The following TMEM181 variants were observed in gnomAD, a reference collection of about 807,000 sequenced individuals.
TMEM181 encodes the protein G protein-coupled receptor 178.
TMEM181 carries 39 observed loss-of-function variants against 71.9 expected under a neutral mutation model. That is an observed-to-expected ratio of 0.54 (90% CI 0.42 to 0.71). TMEM181 has a LOEUF of 0.71. Ranked by LOEUF, TMEM181 falls within the 30% of genes least tolerant of loss-of-function variation. TMEM181 has a pLI of 0.00. For synonymous variants in TMEM181, 245 were observed against 228.8 expected (o/e 1.07, Z -0.64); for missense variants, 595 against 583.0 (o/e 1.02, Z -0.21).
At chr6:158,565,027 A>G (rs1358775125) in intron 1 of TMEM181, among the ~76,000 whole-genome samples, 2 of 152,142 alleles carry the variant, frequency 1.3e-5, no homozygotes, top group Admixed American at 6.5e-5. Flanking sequence ...ACCGAGATGA[A>G]GGTGTCTCTC....
chr6:158,538,454 CTT>C (rs111437459), intron 1 of TMEM181, among the ~76,000 whole-genome samples: 2 of 143,938 alleles, frequency 1.4e-5, no homozygotes. Context: ...CATGCCTGGC[CTT>C]TTTTTTTTTT....
At chr6:158,580,836 G>T in intron 2 of TMEM181, 104 bp from the exon 3 acceptor site, 1 of 997,828 alleles carries the variant, frequency 1.0e-6, no homozygotes, top group East Asian at 2.5e-5. Context: ...GGTGAATTAA[G>T]GTCATCTCCG....
upstream of TMEM181, among the ~76,000 whole-genome samples, chr6:158,557,977 T>C (rs1047630224): frequency 1.3e-5 from 2 of 152,042 alleles, no homozygotes; most frequent in Non-Finnish European, 2.9e-5. Context: ...AGAAAACGAG[T>C]ATGACGGGAG....
At chr6:158,573,588 G>T in intron 2 of TMEM181, 65 bp downstream of exon 2, 1 of 1,374,310 alleles carries the variant, frequency 7.3e-7, no homozygotes, top group Non-Finnish European at 1.0e-6. Context: ...TATTGCTTTC[G>T]GTCAGCCCAG....
rs1786442969 is a variant in TMEM181, at chr6:158,628,222, CAG to C, written c.1110-185_1110-184del. ...TAGATCCGAGACCAAAAACCAGAAG[CAG>C]GGGCTGTGTGTGTGTGTGCATGTGT... On this transcript the variant is annotated intron_variant, in intron 13 of 16. Transcript: ENST00000684151. 21 of 710,960 alleles carry C rather than the reference CAG, an allele frequency of 3.0e-5. No individual in the cohort carries two copies. In the Admixed American group the frequency reaches 3.8e-4, roughly 13 times the overall value. 44.0% of individuals were successfully genotyped at this position (710,960 alleles called of 1,614,324 possible).
At chr6:158,631,775 A>AAT (rs747331895) in intron 16 of TMEM181, 35 bp from the exon 17 acceptor site, 1 of 1,567,646 alleles carries the variant, frequency 6.4e-7, no homozygotes, top group Non-Finnish European at 8.7e-7. Context: ...GAGCTGTCAG[A>AAT]AGTTAGACGG....
intron 6 of TMEM181, among the ~76,000 whole-genome samples, chr6:158,592,606 G>A (rs1197089384): frequency 6.6e-6 from 1 of 152,036 alleles, no homozygotes. Flanking sequence ...CCTAGTAGCT[G>A]GGATTACAGC....
chr6:158,597,425 C>T (rs980319604), intron 6 of TMEM181, among the ~76,000 whole-genome samples: 5 of 152,086 alleles, frequency 3.3e-5, no homozygotes, highest in African/African-American at 9.7e-5. Context: ...CAGGATGGTA[C>T]CTTGTTGCTG....
chr6:158,538,855 AG>A (rs1377169437), intron 1 of TMEM181, among the ~76,000 whole-genome samples: 8 of 152,190 alleles, frequency 5.3e-5, no homozygotes, highest in African/African-American at 1.9e-4. Flanking sequence ...CAGAAGAGGA[AG>A]GAGTATTGCA....
rs572703809 is a variant in TMEM181 at position 158,620,652 on chromosome 6, C to A, written c.897-2898C>A. ...CCCGCCCGAGCCTCGCAGTCCCCTT[C>A]AGATTAGTTGTCCTCGCACAAATTG... On this transcript the variant is annotated intron_variant, in intron 10 of 16. Transcript: ENST00000684151. The surrounding 1 kb of genome is among the most constrained non-coding windows in gnomAD (Gnocchi z 4.5). Among the ~76,000 whole-genome samples, 141 of 151,982 alleles carry A rather than the reference C, an allele frequency of 9.3e-4. No homozygotes were observed. Among genetic ancestry groups the A allele is most frequent in the Non-Finnish European group, 1.0e-3 (68 of 67,964 alleles).
chr6:158,588,721 T>G (rs1783928572), intron 5 of TMEM181, among the ~76,000 whole-genome samples: 1 of 152,232 alleles, frequency 6.6e-6, no homozygotes, highest in Non-Finnish European at 1.5e-5. Flanking sequence ...GTGCTGGGAT[T>G]ACAGGCGTGA....
In TMEM181 at chr6:158,541,286, G is replaced by A. The variant is rs189044402; in HGVS notation, c.131+4421G>A. ...ACAAAAATTAGCAGGGCGTGATGGCGGGCGCCTGTAATCCCAGTTACTCAG... is the reference window on the plus strand; with the variant it reads ...ACAAAAATTAGCAGGGCGTGATGGCAGGCGCCTGTAATCCCAGTTACTCAG... On this transcript the variant is annotated intron_variant, in intron 1 of 16. Coordinates refer to the TMEM181 transcript ENST00000367090. 5.1e-4 allele frequency among the ~76,000 whole-genome samples: 78 copies of A among 152,178 alleles called. No homozygotes were observed. In the East Asian group the frequency reaches 0.01, roughly 20 times the overall value.
intron 10 of TMEM181, among the ~76,000 whole-genome samples, chr6:158,618,402 G>C (rs984507784): frequency 6.6e-6 from 1 of 152,080 alleles, no homozygotes; most frequent in African/African-American, 2.4e-5. Context: ...ACGTGAGATG[G>C]GTCTCCTGAA....
intron 10 of TMEM181, among the ~76,000 whole-genome samples, chr6:158,612,481 G>A (rs1785388903): frequency 6.6e-6 from 1 of 152,182 alleles, no homozygotes; most frequent in Non-Finnish European, 1.5e-5. Flanking sequence ...AAGAATCTTT[G>A]AAAAAGGTTA....
intron 1 of TMEM181, among the ~76,000 whole-genome samples, chr6:158,567,337 T>C (rs1782568358): frequency 6.6e-6 from 1 of 152,236 alleles, no homozygotes; most frequent in Middle Eastern, 3.2e-3. Context: ...GCCTAGCATC[T>C]CTCCACCAAC....
In TMEM181 at chr6:158,605,156, G is replaced by GTGTGTGTATA. The variant is rs1268791113; in HGVS notation, c.493-108_493-107insGTGTATATGT. ...AGTGTGTGTGTGTGTGTGTGTGTGT[G>GTGTGTGTATA]TGTATGTGTATATATTGTCTCATCT... On this transcript the variant is annotated intron_variant, in intron 6 of 16. Transcript: ENST00000684151. 5 of 568,644 alleles carry GTGTGTGTATA rather than the reference G, an allele frequency of 8.8e-6. No homozygotes were observed. In the African/African-American group the frequency reaches 1.0e-4, roughly 11 times the overall value. The allele number at this position is 568,644 out of a possible 1,614,324, so 35.2% of individuals were successfully genotyped here. A position where few individuals can be genotyped will look rare whatever the true frequency, so the allele number is the denominator to read the frequency against.
intron 14 of TMEM181, 79 bp from the exon 15 acceptor site, chr6:158,629,651 C>CG (rs1562317440): frequency 8.1e-7 from 1 of 1,238,428 alleles, no homozygotes; most frequent in East Asian, 2.5e-5. Context: ...CTGCTGATGG[C>CG]GGGAGGAGTG....
intron 15 of TMEM181, among the ~76,000 whole-genome samples, chr6:158,631,076 G>T (rs1480570696): frequency 2.0e-5 from 3 of 152,248 alleles, no homozygotes; most frequent in East Asian, 3.9e-4. Context: ...ATGGCAGCCT[G>T]CCTGCTCCTT....
intron 2 of TMEM181, among the ~76,000 whole-genome samples, chr6:158,577,605 T>C (rs1783236096): frequency 6.6e-6 from 1 of 152,034 alleles, no homozygotes; most frequent in Non-Finnish European, 1.5e-5. Flanking sequence ...CTCAACAAAC[T>C]CAAAGTAGGA....
Sources: allele counts gnomAD v4.1 joint callset (sites outside exome capture counted in the v4.1 genomes callset), GRCh38; gene constraint gnomAD v4.1.1; non-coding constraint Gnocchi (gnomAD v3.1); transcripts MANE v1.5; gene names NCBI Gene and HGNC (gene_info 2026-07-23, HGNC 2026-07-21).